Variants in NUP93 observed in about 807,000 individuals in gnomAD.
NUP93 encodes nuclear pore complex protein Nup93.
NUP93 carries 55 observed loss-of-function variants against 107.8 expected under a neutral mutation model. That is an observed-to-expected ratio of 0.51 (90% CI 0.41 to 0.64). NUP93 has a LOEUF of 0.64. Ranked by LOEUF, NUP93 falls within the 30% of genes least tolerant of loss-of-function variation. The probability of loss-of-function intolerance (pLI) is 0.00; values close to 1 mark genes in which losing one functional copy is unlikely to be tolerated. For missense variants in NUP93, 937 were observed against 1,044.7 expected, an observed-to-expected ratio of 0.90 and a Z score of 1.42; for synonymous variants, 390 against 397.5, an observed-to-expected ratio of 0.98 and a Z score of 0.22.
intron 3 of NUP93, among the ~76,000 whole-genome samples, chr16:56,786,229 C>G (rs563860398): frequency 6.6e-6 from 1 of 152,284 alleles, no homozygotes; most frequent in South Asian, 2.1e-4. Flanking sequence ...CTCACCTGTT[C>G]CCACCTCTCA....
intron 3 of NUP93, among the ~76,000 whole-genome samples, chr16:56,768,231 C>CA (rs1962249446): frequency 6.6e-6 from 1 of 152,180 alleles, no homozygotes; most frequent in South Asian, 2.1e-4. Context: ...CCCTGTTTCT[C>CA]ACCGTTGCAG....
At chr16:56,808,829 A>AAT (rs1203605784) in intron 5 of NUP93, among the ~76,000 whole-genome samples, 2 of 146,292 alleles carry the variant, frequency 1.4e-5, no homozygotes, top group African/African-American at 2.5e-5. Flanking sequence ...TACATATATA[A>AAT]ATATATATAT....
intron 6 of NUP93, among the ~76,000 whole-genome samples, chr16:56,820,607 G>A (rs541693816): frequency 5.3e-5 from 8 of 152,306 alleles, no homozygotes; most frequent in Non-Finnish European, 8.8e-5. Context: ...TTCAGCCACT[G>A]CACCCAGCGA....
intron 21 of NUP93, 95 bp from the exon 22 acceptor site, chr16:56,844,404 A>G: frequency 1.6e-6 from 1 of 634,730 alleles, no homozygotes; most frequent in Non-Finnish European, 2.4e-6. Flanking sequence ...GGGGTAGAGG[A>G]TGGAAGAACA....
intron 16 of NUP93, among the ~76,000 whole-genome samples, chr16:56,836,332 T>C (rs1226768355): frequency 1.3e-5 from 2 of 152,320 alleles, no homozygotes; most frequent in Non-Finnish European, 2.9e-5. Flanking sequence ...TTTGGAAAAT[T>C]AGAAAGCACA....
At chr16:56,832,961 C>T (rs1963826490) in intron 12 of NUP93, among the ~76,000 whole-genome samples, 3 of 152,198 alleles carry the variant, frequency 2.0e-5, no homozygotes, top group African/African-American at 7.2e-5. Context: ...CTAATGCAAG[C>T]AGTTGGAGTT....
In NUP93 at chr16:56,749,835, G is replaced by A. The variant is rs1405584929; in HGVS notation, c.179+1409G>A. ...GGCAAATCAGAGGAACCCTGGCAGGGATTTTTTACCCTGCAGCCTTGCAGC... is the reference window on the plus strand; with the variant it reads ...GGCAAATCAGAGGAACCCTGGCAGGAATTTTTTACCCTGCAGCCTTGCAGC... On this transcript the variant is annotated intron_variant, in intron 2 of 21. Coordinates refer to ENST00000308159, the MANE Select transcript of NUP93 (RefSeq NM_014669.5). 2.0e-5 allele frequency among the ~76,000 whole-genome samples: 3 copies of A among 152,206 alleles called. No individual in the cohort carries two copies. In the South Asian group the frequency reaches 6.2e-4, roughly 32 times the overall value.
chr16:56,844,175 TC>T (rs1167625644), intron 21 of NUP93, among the ~76,000 whole-genome samples: 1 of 152,152 alleles, frequency 6.6e-6, no homozygotes, highest in Non-Finnish European at 1.5e-5. Context: ...AGCAGGCAGT[TC>T]TGAAGCTCAG....
chr16:56,746,351 C>T (rs1206679564), intron 1 of NUP93, among the ~76,000 whole-genome samples: 1 of 152,210 alleles, frequency 6.6e-6, no homozygotes, highest in Non-Finnish European at 1.5e-5. Context: ...GTTTCCTTCT[C>T]TCTCCCTGAG....
intron 5 of NUP93, 125 bp downstream of exon 5, chr16:56,805,757 T>A: frequency 9.2e-7 from 1 of 1,091,366 alleles, no homozygotes; most frequent in Non-Finnish European, 1.3e-6. Context: ...TTTCTTCACT[T>A]AGCTTTTAGG....
At chr16:56,774,305 G>A (rs1484911791) in intron 3 of NUP93, among the ~76,000 whole-genome samples, 3 of 152,178 alleles carry the variant, frequency 2.0e-5, no homozygotes, top group Admixed American at 6.5e-5. Context: ...ATCAGTAGGA[G>A]CCAGGAGAGA....
chr16:56,782,342 G>A (rs991649913), intron 3 of NUP93: 1 of 363,392 alleles, frequency 2.8e-6, no homozygotes, highest in African/African-American at 2.2e-5. Flanking sequence ...GATAAATTTG[G>A]AAGCAGTTAA....
chr16:56,752,679 A>G (rs950388765), intron 2 of NUP93, among the ~76,000 whole-genome samples: 5 of 152,218 alleles, frequency 3.3e-5, no homozygotes, highest in Non-Finnish European at 5.9e-5. Flanking sequence ...GAGATACAAG[A>G]GACTTAGAAT....
intron 20 of NUP93, 101 bp from the exon 21 acceptor site, chr16:56,841,604 G>A: frequency 7.0e-7 from 1 of 1,434,580 alleles, no homozygotes; most frequent in Non-Finnish European, 9.5e-7. Context: ...GGTGAGGAGT[G>A]GTGCAACCAG....
chr16:56,784,190 T>G (rs1367753198), intron 3 of NUP93, among the ~76,000 whole-genome samples: 1 of 152,186 alleles, frequency 6.6e-6, no homozygotes, highest in Non-Finnish European at 1.5e-5. Flanking sequence ...ATATAGTAAA[T>G]TTAAAAGAGT....
At chr16:56,837,282 G>A (rs1596861523) in intron 17 of NUP93, among the ~76,000 whole-genome samples, 1 of 152,212 alleles carries the variant, frequency 6.6e-6, no homozygotes, top group East Asian at 1.9e-4. Context: ...ACAGCTATAG[G>A]CCAAGTGCAG....
rs1271648967 is a variant in NUP93 at position 56,845,269 on chromosome 16, A to T, written c.*660A>T. 1 of 154,240 alleles carries T rather than the reference A, an allele frequency of 6.5e-6. No individual in the cohort carries two copies. Among genetic ancestry groups the T allele is most frequent in the Non-Finnish European group, 1.4e-5 (1 of 69,282 alleles). 9.6% of individuals were successfully genotyped at this position (154,240 alleles called of 1,614,324 possible). A position where few individuals can be genotyped will look rare whatever the true frequency, so the allele number is the denominator to read the frequency against. On this transcript the variant is annotated 3_prime_UTR_variant, in exon 22 of 22. Transcript: ENST00000308159. Reference sequence around the variant, plus strand: ...AAGGTTGCAAGTGCCCCCAGCTTGCACTTGAGGAAGGGGTAAACCTTGCCA... The same window carrying T: ...AAGGTTGCAAGTGCCCCCAGCTTGCTCTTGAGGAAGGGGTAAACCTTGCCA...
chr16:56,818,934 T>A (rs1219860152), intron 6 of NUP93, among the ~76,000 whole-genome samples, 196 bp downstream of exon 6: 1 of 152,242 alleles, frequency 6.6e-6, no homozygotes, highest in Non-Finnish European at 1.5e-5. Context: ...CACATTTGAT[T>A]TGAGGAAATT....
At chr16:56,779,922 C>T (rs1479030253) in intron 3 of NUP93, among the ~76,000 whole-genome samples, 2 of 152,154 alleles carry the variant, frequency 1.3e-5, no homozygotes, top group African/African-American at 4.8e-5. Context: ...TTTAACCACA[C>T]TTGGGTCTTT....
Sources: gnomAD v4.1 joint callset for allele counts (sites outside exome capture counted in the v4.1 genomes callset) on GRCh38, gnomAD v4.1.1 for gene constraint, MANE v1.5 for transcripts, NCBI Gene and HGNC (gene_info 2026-07-23, HGNC 2026-07-21) for gene names.